The following NTM variants were observed in gnomAD, a reference collection of about 807,000 sequenced individuals.
NTM encodes neurotrimin.
A neutral mutation model predicts 42.1 loss-of-function variants in NTM; 13 were observed. The observed-to-expected ratio is 0.31, with a 90% CI of 0.20 to 0.49. The LOEUF (loss-of-function observed/expected upper bound fraction) is 0.49, where lower values mean the gene tolerates loss of function less well. Ranked by LOEUF, NTM falls within the 20% of genes least tolerant of loss-of-function variation. The pLI, the probability that NTM is intolerant of heterozygous loss-of-function variation, is 0.99. For synonymous variants in NTM, 187 were observed against 179.2 expected (o/e 1.04, Z -0.35); for missense variants, 373 against 452.8 (o/e 0.82, Z 1.60).
intron 1 of NTM, among the ~76,000 whole-genome samples, chr11:131,779,527 G>A (rs567265641): frequency 6.6e-6 from 1 of 152,198 alleles, no homozygotes; most frequent in African/African-American, 2.4e-5. Flanking sequence ...CATAGTCTGT[G>A]CCGTTTATTT....
intron 1 of NTM, among the ~76,000 whole-genome samples, chr11:131,387,264 C>T (rs753665328): frequency 1.1e-4 from 16 of 152,170 alleles, no homozygotes; most frequent in Non-Finnish European, 1.6e-4. Flanking sequence ...CTGGACCTCC[C>T]TATCAAAGTC....
chr11:132,043,143 A>G (rs2077429768), intron 2 of NTM, among the ~76,000 whole-genome samples: 1 of 152,152 alleles, frequency 6.6e-6, no homozygotes, highest in Admixed American at 6.5e-5. Context: ...GGTAGAAGAC[A>G]TTGCTTTTTG....
intron 1 of NTM, among the ~76,000 whole-genome samples, chr11:131,485,009 C>T (rs1954008329): frequency 1.3e-5 from 2 of 152,272 alleles, no homozygotes; most frequent in East Asian, 3.9e-4. Flanking sequence ...ACTGCTGACT[C>T]CTGCCTCAGA....
intron 1 of NTM, among the ~76,000 whole-genome samples, chr11:131,556,101 C>G (rs1439818449): frequency 1.3e-5 from 2 of 152,070 alleles, no homozygotes; most frequent in Admixed American, 1.3e-4. Flanking sequence ...GAGACATGCC[C>G]TTGGAACCGA....
chr11:131,582,594 T>C (rs1194686852), intron 1 of NTM, among the ~76,000 whole-genome samples: 1 of 83,614 alleles, frequency 1.2e-5, no homozygotes, highest in Non-Finnish European at 2.4e-5. Flanking sequence ...ATGTTCTTGC[T>C]TAAAAAAAAA....
At chr11:131,608,165 C>T (rs1009616608) in intron 1 of NTM, among the ~76,000 whole-genome samples, 5 of 152,094 alleles carry the variant, frequency 3.3e-5, no homozygotes, top group Admixed American at 6.6e-5. Flanking sequence ...TTTATCCTTG[C>T]GATAGTTTGC....
In NTM at chr11:131,454,642, C is replaced by T. The variant is rs187459460; in HGVS notation, c.82+83754C>T. ...TCCATCCCACAAAGCACACGTTTGCCGGTGCTATAAATTTAAGGAAGTTGT... is the reference window on the plus strand; with the variant it reads ...TCCATCCCACAAAGCACACGTTTGCTGGTGCTATAAATTTAAGGAAGTTGT... On this transcript the variant is annotated intron_variant, in intron 1 of 8. Coordinates refer to ENST00000683400, the MANE Select transcript of NTM (RefSeq NM_001352005.2). Among the ~76,000 whole-genome samples, 489 of 152,078 alleles carry T rather than the reference C, an allele frequency of 3.2e-3. 4 individuals are homozygous for T. Among genetic ancestry groups the T allele is most frequent in the African/African-American group, 0.011 (466 of 41,486 alleles).
chr11:131,593,962 G>A (rs200250199), intron 1 of NTM, among the ~76,000 whole-genome samples: 5 of 152,184 alleles, frequency 3.3e-5, no homozygotes, highest in Non-Finnish European at 5.9e-5. Flanking sequence ...GGATTTGTTA[G>A]GATGAATGCA....
chr11:132,271,033 C>T (rs1425414112), intron 4 of NTM, among the ~76,000 whole-genome samples: 1 of 152,132 alleles, frequency 6.6e-6, no homozygotes, highest in Non-Finnish European at 1.5e-5. Flanking sequence ...TTATCATCCC[C>T]AACAGAAACC....
rs1293280519 is a variant in NTM, at chr11:131,600,689, C to A, written c.82+229801C>A. 2.0e-5 allele frequency among the ~76,000 whole-genome samples: 3 copies of A among 152,282 alleles called. No individual in the cohort carries two copies. In the East Asian group the frequency reaches 5.8e-4, roughly 29 times the overall value. ...AGCAGGTCCACTGCCAAGAAAGGAA[C>A]CTGACCGCTGGCCAGGAGGTACTTA... On this transcript the variant is annotated intron_variant, in intron 1 of 8. Transcript: ENST00000683400.
At chr11:131,768,267 C>A (rs902196687) in intron 1 of NTM, among the ~76,000 whole-genome samples, 2 of 151,894 alleles carry the variant, frequency 1.3e-5, no homozygotes, top group East Asian at 1.9e-4. Flanking sequence ...TATAGGCATG[C>A]GCCACCATGC....
chr11:131,706,552 C>T (rs1232392953), intron 1 of NTM, among the ~76,000 whole-genome samples: 2 of 151,974 alleles, frequency 1.3e-5, no homozygotes, highest in African/African-American at 4.8e-5. Context: ...TTCAAGTGCA[C>T]ATATAACATT....
chr11:131,413,438 A>G (rs899357786), intron 1 of NTM, among the ~76,000 whole-genome samples: 2 of 152,174 alleles, frequency 1.3e-5, no homozygotes, highest in African/African-American at 4.8e-5. Flanking sequence ...AACAGTGCTG[A>G]TCAATGGCAC....
intron 1 of NTM, among the ~76,000 whole-genome samples, chr11:131,801,311 G>T (rs1347166999): frequency 2.6e-5 from 4 of 152,142 alleles, no homozygotes; most frequent in Non-Finnish European, 4.4e-5. Context: ...TGTGTTGGGA[G>T]TTGCCATACT....
At chr11:132,101,556 T>TGTGTGTGTGTGTGTGTG (rs1555261897) in intron 2 of NTM, among the ~76,000 whole-genome samples, 1,351 of 131,110 alleles carry the variant, frequency 0.01, 17 homozygotes, top group South Asian at 0.028. Context: ...GAACACAACC[T>TGTGTGTGTGTGTGTGTG]TGTGTGTGTG....
chr11:131,712,236 C>T (rs1309580527), intron 1 of NTM, among the ~76,000 whole-genome samples: 5 of 150,260 alleles, frequency 3.3e-5, no homozygotes, highest in Non-Finnish European at 7.4e-5. Flanking sequence ...TTCCAATTGT[C>T]TTTGGAAGAG....
chr11:131,881,787 A>G (rs1007327694), intron 1 of NTM, among the ~76,000 whole-genome samples: 4 of 152,176 alleles, frequency 2.6e-5, no homozygotes, highest in African/African-American at 9.7e-5. Context: ...ACTGAGGAGT[A>G]ATGGGGGAAC....
intron 1 of NTM, among the ~76,000 whole-genome samples, chr11:131,880,533 G>C (rs1439452004): frequency 6.6e-6 from 1 of 152,198 alleles, no homozygotes; most frequent in Non-Finnish European, 1.5e-5. Flanking sequence ...CTCACACAGA[G>C]AGTTTCCTGC....
At chr11:131,472,862 C>A (rs1368423523) in intron 1 of NTM, among the ~76,000 whole-genome samples, 1 of 152,150 alleles carries the variant, frequency 6.6e-6, no homozygotes, top group East Asian at 1.9e-4. Context: ...GCCCACATTA[C>A]TTCCACTACC....
Sources: allele counts gnomAD v4.1 joint callset (sites outside exome capture counted in the v4.1 genomes callset), GRCh38; gene constraint gnomAD v4.1.1; transcripts MANE v1.5; gene names NCBI Gene and HGNC (gene_info 2026-07-23, HGNC 2026-07-21).